The following METTL25 variants were observed in gnomAD, a reference collection of about 807,000 sequenced individuals.
METTL25 encodes the protein probable methyltransferase-like protein 25.
Under a neutral mutation model 71.6 loss-of-function variants are expected in METTL25, and 64 were observed. The observed-to-expected ratio is 0.89, with a 90% CI of 0.73 to 1.10. The LOEUF (loss-of-function observed/expected upper bound fraction) is 1.10. Ranked by LOEUF, METTL25 falls within the 50% of genes least tolerant of loss-of-function variation. METTL25 has a pLI of 0.00. For missense variants in METTL25, 807 were observed against 707.0 expected, an observed-to-expected ratio of 1.14 and a Z score of -1.60; for synonymous variants, 287 against 250.3, an observed-to-expected ratio of 1.15 and a Z score of -1.38.
intron 3 of METTL25, among the ~76,000 whole-genome samples, chr12:82,393,182 A>G (rs1168476716): frequency 1.3e-5 from 2 of 152,028 alleles, no homozygotes; most frequent in East Asian, 3.9e-4. Context: ...TTGATATTCT[A>G]ATAGGGATTG....
At chr12:82,434,938 T>A (rs963270147) in intron 7 of METTL25, among the ~76,000 whole-genome samples, 41 of 151,698 alleles carry the variant, frequency 2.7e-4, no homozygotes, top group Non-Finnish European at 1.0e-4. Flanking sequence ...CATTATGCTC[T>A]TATACTACTC....
rs140555064 is a variant in METTL25 at position 82,440,954 on chromosome 12, C to T, written c.1478+2163C>T. ...CTTTCCCCAGCAGGATCTGTCAGTT[C>T]TGGAATAGGCAACTGTCCACCCATC... On this transcript the variant is annotated intron_variant, in intron 8 of 11. Transcript: ENST00000248306. Among the ~76,000 whole-genome samples, 9 of 152,072 alleles carry T rather than the reference C, an allele frequency of 5.9e-5. 1 individual carries two copies. The highest frequency in any genetic ancestry group is 5.9e-4 in the Admixed American group (9 of 15,228).
chr12:82,363,317 A>C (rs1374810377), intron 1 of METTL25, among the ~76,000 whole-genome samples: 1 of 152,232 alleles, frequency 6.6e-6, no homozygotes, highest in Non-Finnish European at 1.5e-5. Flanking sequence ...AGTACATACA[A>C]CTTGGGTGGT....
intron 6 of METTL25, among the ~76,000 whole-genome samples, chr12:82,433,611 T>A (rs1889694425): frequency 1.3e-5 from 2 of 151,684 alleles, no homozygotes; most frequent in African/African-American, 4.8e-5. Flanking sequence ...TTTTTAGTTC[T>A]TGCTCAGTTC....
intron 9 of METTL25, among the ~76,000 whole-genome samples, chr12:82,457,893 A>T (rs554903389): frequency 3.7e-4 from 56 of 151,840 alleles, no homozygotes; most frequent in African/African-American, 1.2e-3. Context: ...AGGTTATTTT[A>T]AAAAAAATGT....
At chr12:82,427,689 C>T (rs925197274) in intron 5 of METTL25, among the ~76,000 whole-genome samples, 12 of 151,858 alleles carry the variant, frequency 7.9e-5, no homozygotes, top group Admixed American at 6.6e-4. Context: ...AAAAAGACTT[C>T]TGTGTTAATT....
At chr12:82,427,734 T>C (rs754401858) in intron 5 of METTL25, among the ~76,000 whole-genome samples, 103 of 151,992 alleles carry the variant, frequency 6.8e-4, no homozygotes, top group Admixed American at 2.4e-3. Context: ...TCCTGAGATA[T>C]TGTTTCCCTT....
chr12:82,362,229 T>C (rs4516038), intron 1 of METTL25, among the ~76,000 whole-genome samples: 1 of 152,122 alleles, frequency 6.6e-6, no homozygotes, highest in African/African-American at 2.4e-5. Flanking sequence ...TATTTAATTC[T>C]CTAAAATAAA....
At chr12:82,394,468 T>C (rs1328771279) in intron 3 of METTL25, among the ~76,000 whole-genome samples, 2 of 152,068 alleles carry the variant, frequency 1.3e-5, no homozygotes, top group African/African-American at 2.4e-5. Flanking sequence ...CCTTTGTCTC[T>C]TTCATTCACA....
At chr12:82,461,199 TAC>T (rs1891853608) in intron 9 of METTL25, among the ~76,000 whole-genome samples, 1 of 152,170 alleles carries the variant, frequency 6.6e-6, no homozygotes, top group Non-Finnish European at 1.5e-5. Flanking sequence ...GAAAAGAGTA[TAC>T]AGTATATGGA....
chr12:82,438,673 G>A, intron 7 of METTL25, 45 bp from the exon 8 acceptor site: 5 of 1,240,374 alleles, frequency 4.0e-6, no homozygotes, highest in Non-Finnish European at 5.4e-6. Context: ...TTTTATTTCT[G>A]TTTTTTTTGT....
rs542552970 is a variant in METTL25, at chr12:82,381,171, A to G, written c.260-5632A>G. Among the ~76,000 whole-genome samples the G allele has an allele frequency of 3.8e-4, 58 of 152,308 alleles. No homozygotes were observed. In the South Asian group the frequency reaches 3.9e-3, roughly 10 times the overall value. The stretch of plus-strand genomic sequence containing the variant: ...ACTTATACATGGTAGGTACCCCTGA[A>G]TTGTTTATTTTTTATTTAGCAAATC... On this transcript the variant is annotated intron_variant, in intron 1 of 11. Coordinates refer to ENST00000248306, the MANE Select transcript of METTL25 (RefSeq NM_032230.3).
chr12:82,363,181 C>A (rs1262797456), intron 1 of METTL25, among the ~76,000 whole-genome samples: 1 of 152,198 alleles, frequency 6.6e-6, no homozygotes, highest in Non-Finnish European at 1.5e-5. Context: ...GATCTCTTAA[C>A]TCCACATGCC....
At chr12:82,478,428 T>A (rs1311343463) in intron 11 of METTL25, among the ~76,000 whole-genome samples, 1 of 151,832 alleles carries the variant, frequency 6.6e-6, no homozygotes, top group Non-Finnish European at 1.5e-5. Flanking sequence ...GTCATAATCC[T>A]ACCTTTTATT....
intron 1 of METTL25, among the ~76,000 whole-genome samples, chr12:82,382,134 A>G (rs1369892985): frequency 6.6e-6 from 1 of 152,204 alleles, no homozygotes; most frequent in Non-Finnish European, 1.5e-5. Flanking sequence ...GAGCATGAAA[A>G]TGTTCAGTTG....
intron 1 of METTL25, among the ~76,000 whole-genome samples, chr12:82,359,184 TAATA>T (rs908878471): frequency 1.3e-5 from 2 of 152,272 alleles, no homozygotes. Flanking sequence ...ACTCAACAGT[TAATA>T]AAGATAATTT....
intron 8 of METTL25, among the ~76,000 whole-genome samples, chr12:82,453,144 G>A (rs891629585): frequency 6.6e-6 from 1 of 152,156 alleles, no homozygotes; most frequent in African/African-American, 2.4e-5. Context: ...GACTTGGGAA[G>A]AACAAATCCC....
intron 9 of METTL25, among the ~76,000 whole-genome samples, chr12:82,458,330 T>A (rs1891634716): frequency 6.6e-6 from 1 of 152,010 alleles, no homozygotes; most frequent in South Asian, 2.1e-4. Context: ...TCTTAGCAAG[T>A]AAAAGCTAAA....
Position 82,478,973 on chromosome 12 carries a change from C to G in METTL25, c.1761C>G (p.Pro587=). ...AWSALVKLFD[P]VKSPRCYAVI... is the part of the protein sequence containing the mutation. Reference sequence around the variant, plus strand: ...CTGCTCTTGTGAAGTTGTTTGATCCCGTGAAATCTCCCAGATGTTATGCTG... The same window carrying G: ...CTGCTCTTGTGAAGTTGTTTGATCCGGTGAAATCTCCCAGATGTTATGCTG... The change falls in exon 12 of 12, where the codon CCC becomes CCG. Residue 587 remains proline, a synonymous_variant. Coordinates refer to ENST00000248306, the MANE Select transcript of METTL25 (RefSeq NM_032230.3). 6.2e-7 allele frequency: 1 copy of G among 1,612,612 alleles called. No homozygotes were observed. The highest frequency in any genetic ancestry group is 8.5e-7 in the Non-Finnish European group (1 of 1,179,000).
Sources: gnomAD v4.1 joint callset for allele counts (sites outside exome capture counted in the v4.1 genomes callset) on GRCh38, gnomAD v4.1.1 for gene constraint, MANE v1.5 for transcripts, NCBI Gene and HGNC (gene_info 2026-07-23, HGNC 2026-07-21) for gene names.